SCAPER: variants seen among roughly 807,000 people sequenced by gnomAD.
The protein encoded by SCAPER is S phase cyclin A-associated protein in the endoplasmic reticulum.
In SCAPER, 98 loss-of-function variants were observed where a neutral mutation model predicts 182.2. The ratio of observed to expected loss-of-function variants is 0.54; its 90% CI spans 0.46 to 0.64. The LOEUF is 0.64. SCAPER is among the 30% of genes least tolerant of loss of function. The pLI is 0.00. For missense variants in SCAPER, 1,432 were observed against 1,690.0 expected (o/e 0.85, Z 2.68); for synonymous variants, 605 against 564.6 (o/e 1.07, Z -1.01).
intron 24 of SCAPER, among the ~76,000 whole-genome samples, chr15:76,473,347 T>C (rs2143004503): frequency 6.6e-6 from 1 of 152,354 alleles, no homozygotes; most frequent in South Asian, 2.1e-4. Context: ...AAAGTAACTT[T>C]AATAAAGCTA....
intron 1 of SCAPER, among the ~76,000 whole-genome samples, chr15:76,890,206 G>A (rs1443792323): frequency 6.6e-6 from 1 of 152,160 alleles, no homozygotes; most frequent in African/African-American, 2.4e-5. Context: ...ATGCCCACAA[G>A]AGAAAGCAGG....
chr15:76,525,905 A>G (rs1307260372), intron 23 of SCAPER, among the ~76,000 whole-genome samples: 1 of 152,140 alleles, frequency 6.6e-6, no homozygotes, highest in Non-Finnish European at 1.5e-5. Flanking sequence ...CAAATGGTAG[A>G]TCTGTTTTAA....
intron 21 of SCAPER, among the ~76,000 whole-genome samples, chr15:76,622,947 T>C (rs970715882): frequency 1.3e-5 from 2 of 152,188 alleles, no homozygotes; most frequent in African/African-American, 4.8e-5. Context: ...GCCCTCCCTA[T>C]AGGAGTGAAT....
At chr15:76,689,803 C>T (rs915916899) in intron 20 of SCAPER, among the ~76,000 whole-genome samples, 1 of 151,238 alleles carries the variant, frequency 6.6e-6, no homozygotes, top group Non-Finnish European at 1.5e-5. Flanking sequence ...AAAGAGGTGT[C>T]CAAAAAAAAC....
At chr15:76,740,108 G>A (rs1296642183) in intron 15 of SCAPER, among the ~76,000 whole-genome samples, 1 of 152,232 alleles carries the variant, frequency 6.6e-6, no homozygotes, top group Non-Finnish European at 1.5e-5. Flanking sequence ...CAAGGCTGTA[G>A]TGAACTATGA....
At chr15:76,671,353 G>C (rs1365473428) in intron 20 of SCAPER, among the ~76,000 whole-genome samples, 2 of 152,092 alleles carry the variant, frequency 1.3e-5, no homozygotes, top group Non-Finnish European at 2.9e-5. Flanking sequence ...GAAGATGGTG[G>C]CAGTGGTAGC....
At chr15:76,414,887 G>A (rs2045546916) in intron 26 of SCAPER, among the ~76,000 whole-genome samples, 1 of 152,126 alleles carries the variant, frequency 6.6e-6, no homozygotes, top group African/African-American at 2.4e-5. Context: ...AGCTTTATGT[G>A]TTTACTTAAG....
At chr15:76,569,369 A>G (rs1308880983) in intron 23 of SCAPER, among the ~76,000 whole-genome samples, 3 of 152,286 alleles carry the variant, frequency 2.0e-5, no homozygotes, top group Middle Eastern at 3.4e-3. Context: ...GCAAACTTAA[A>G]TATCTTGAAT....
chr15:76,848,902 T>A (rs2070424938), intron 4 of SCAPER, among the ~76,000 whole-genome samples: 1 of 151,846 alleles, frequency 6.6e-6, no homozygotes, highest in South Asian at 2.1e-4. Context: ...TGCAGAACAG[T>A]CACCCCAGCC....
intron 3 of SCAPER, among the ~76,000 whole-genome samples, chr15:76,859,442 A>G (rs1429045776): frequency 1.3e-5 from 2 of 152,256 alleles, no homozygotes; most frequent in African/African-American, 4.8e-5. Flanking sequence ...GCAGGTTTTT[A>G]GAATATCCAG....
At chr15:76,617,686 G>C (rs1045317679) in intron 22 of SCAPER, among the ~76,000 whole-genome samples, 1 of 152,166 alleles carries the variant, frequency 6.6e-6, no homozygotes, top group Non-Finnish European at 1.5e-5. Context: ...AAGAAAGTGA[G>C]GGCGAGAACA....
At chr15:76,706,603 G>C (rs939312268) in intron 17 of SCAPER, among the ~76,000 whole-genome samples, 2 of 152,096 alleles carry the variant, frequency 1.3e-5, no homozygotes, top group African/African-American at 2.4e-5. Context: ...AAGGTGAAGA[G>C]ATTACTCCCT....
At chr15:76,748,789 C>A (rs1292212181) in intron 15 of SCAPER, among the ~76,000 whole-genome samples, 1 of 151,540 alleles carries the variant, frequency 6.6e-6, no homozygotes, top group African/African-American at 2.4e-5. Flanking sequence ...AGATAAATTT[C>A]TTGAGTGACA....
At chr15:76,863,981 C>A (rs934250099) in intron 2 of SCAPER, among the ~76,000 whole-genome samples, 2 of 152,124 alleles carry the variant, frequency 1.3e-5, no homozygotes, top group Non-Finnish European at 2.9e-5. Flanking sequence ...ATCCTCTACC[C>A]ACTGTGTGAG....
intron 21 of SCAPER, among the ~76,000 whole-genome samples, chr15:76,663,499 T>C (rs1367597900): frequency 6.6e-6 from 1 of 152,056 alleles, no homozygotes; most frequent in Non-Finnish European, 1.5e-5. Flanking sequence ...GAATGTGGTA[T>C]ATCCATACAA....
At chr15:76,886,292 C>A (rs2073835302) in intron 1 of SCAPER, among the ~76,000 whole-genome samples, 2 of 152,162 alleles carry the variant, frequency 1.3e-5, no homozygotes, top group Non-Finnish European at 2.9e-5. Flanking sequence ...CCAGCCTGGG[C>A]AACATGGCAA....
chr15:76,795,211 TAAAC>T, intron 8 of SCAPER, 65 bp downstream of exon 8: 1 of 1,371,038 alleles, frequency 7.3e-7, no homozygotes, highest in Non-Finnish European at 9.9e-7. Context: ...GGACCAATTT[TAAAC>T]AAAATAAGTA....
chr15:76,631,974 GT>G (rs1279503616), intron 21 of SCAPER, among the ~76,000 whole-genome samples: 1 of 152,084 alleles, frequency 6.6e-6, no homozygotes, highest in East Asian at 1.9e-4. Context: ...CAGAGGTTTT[GT>G]TTGTTCCTTT....
At chr15:76,785,767 T>C (rs762612371) in intron 8 of SCAPER, among the ~76,000 whole-genome samples, 8 of 152,084 alleles carry the variant, frequency 5.3e-5, no homozygotes, top group Admixed American at 1.3e-4. Context: ...CTCAGCAAAC[T>C]ATCACAAGGA....
Sources: allele counts gnomAD v4.1 joint callset (sites outside exome capture counted in the v4.1 genomes callset), GRCh38; gene constraint gnomAD v4.1.1; transcripts MANE v1.5; gene names NCBI Gene and HGNC (gene_info 2026-07-23, HGNC 2026-07-21).